Variants in NCOA1 observed in about 807,000 individuals in gnomAD.
NCOA1 encodes nuclear receptor coactivator 1.
NCOA1 carries 35 observed loss-of-function variants against 150.9 expected under a neutral mutation model. The observed-to-expected ratio is 0.23, with a 90% CI of 0.18 to 0.31. The LOEUF is 0.31. NCOA1 is among the 10% of genes least tolerant of loss of function. The pLI, the probability that NCOA1 is intolerant of heterozygous loss-of-function variation, is 1.00. For synonymous variants in NCOA1, 590 were observed against 630.0 expected, an observed-to-expected ratio of 0.94 and a Z score of 0.95; for missense variants, 1,491 against 1,749.3, an observed-to-expected ratio of 0.85 and a Z score of 2.63.
intron 1 of NCOA1, among the ~76,000 whole-genome samples, chr2:24,515,071 C>G (rs1316392241): frequency 2.0e-5 from 3 of 152,162 alleles, no homozygotes; most frequent in African/African-American, 7.2e-5. Flanking sequence ...GTTGTTTAAT[C>G]TAATTTAGCA....
intron 1 of NCOA1, among the ~76,000 whole-genome samples, chr2:24,524,925 GA>G (rs545916543): frequency 1.9e-4 from 29 of 152,166 alleles, no homozygotes; most frequent in African/African-American, 4.6e-4. Context: ...CATATTTTTT[GA>G]ACTGACAGAG....
At chr2:24,646,609 T>G (rs2148468363) in intron 4 of NCOA1, among the ~76,000 whole-genome samples, 1 of 152,102 alleles carries the variant, frequency 6.6e-6, no homozygotes, top group Non-Finnish European at 1.5e-5. Context: ...TTTTGTACAA[T>G]GGTCCTCATT....
rs1441148302 is a variant in NCOA1 at position 24,769,400 on chromosome 2, G to T, written c.*1009G>T. 1 of 187,648 alleles carries T rather than the reference G, an allele frequency of 5.3e-6. No homozygotes were observed. Among genetic ancestry groups the T allele is most frequent in the Non-Finnish European group, 1.1e-5 (1 of 88,904 alleles). 11.6% of individuals were successfully genotyped at this position (187,648 alleles called of 1,614,324 possible). On this transcript the variant is annotated 3_prime_UTR_variant, in exon 23 of 23. Transcript: ENST00000348332. ...ATTGATTGAATTGCAGTTACATTTG[G>T]TTAGTAATATTTCATTATTTTAATA...
At chr2:24,630,522 G>A (rs1449522940) in intron 3 of NCOA1, among the ~76,000 whole-genome samples, 1 of 152,148 alleles carries the variant, frequency 6.6e-6, no homozygotes, top group African/African-American at 2.4e-5. Context: ...CTTTCTCTGA[G>A]GCGGTGGTTC....
chr2:24,602,241 C>T (rs1456395605), intron 3 of NCOA1, among the ~76,000 whole-genome samples: 1 of 152,108 alleles, frequency 6.6e-6, no homozygotes, highest in East Asian at 1.9e-4. Context: ...CAGTTTGTCT[C>T]CCAGGCTGGA....
intron 7 of NCOA1, among the ~76,000 whole-genome samples, chr2:24,676,057 T>C (rs1671895917): frequency 6.6e-6 from 1 of 152,160 alleles, no homozygotes. Flanking sequence ...GTGGCCTCAC[T>C]TTGGAGGTTG....
intron 22 of NCOA1, among the ~76,000 whole-genome samples, chr2:24,763,396 G>A (rs953196969): frequency 6.6e-6 from 1 of 151,280 alleles, no homozygotes; most frequent in East Asian, 2.0e-4. Flanking sequence ...AAAATTAGCC[G>A]GGTGAGGTGG....
chr2:24,517,920 A>G (rs950733357), intron 1 of NCOA1, among the ~76,000 whole-genome samples: 8 of 152,164 alleles, frequency 5.3e-5, no homozygotes, highest in African/African-American at 1.7e-4. Flanking sequence ...TCATGATTTC[A>G]CTATGCTCTT....
Position 24,667,268 on chromosome 2 carries a change from A to G in NCOA1, c.256+1353A>G, listed in dbSNP as rs182543943. 1.5e-3 allele frequency among the ~76,000 whole-genome samples: 226 copies of G among 152,228 alleles called. 1 individual carries two copies. The highest frequency in any genetic ancestry group is 5.0e-3 in the African/African-American group (209 of 41,542). ...CCCTGCTTGGTCTCGAAACACTAAC[A>G]GCCTGGCTCCTACTCCCTAAATTGG... On this transcript the variant is annotated intron_variant, in intron 6 of 22. Transcript: ENST00000348332.
intron 2 of NCOA1, among the ~76,000 whole-genome samples, chr2:24,567,548 T>C (rs1666565962): frequency 6.6e-6 from 1 of 152,224 alleles, no homozygotes; most frequent in Non-Finnish European, 1.5e-5. Context: ...AAGCCATTTA[T>C]GTGCAGTCAT....
intron 13 of NCOA1, 88 bp from the exon 14 acceptor site, chr2:24,710,843 T>TA (rs1379411418): frequency 2.4e-6 from 3 of 1,248,624 alleles, no homozygotes; most frequent in South Asian, 2.6e-5. Context: ...ACTGAATTCA[T>TA]AGAGTTTAAA....
chr2:24,725,960 A>G (rs1674596566), intron 14 of NCOA1, among the ~76,000 whole-genome samples: 1 of 152,184 alleles, frequency 6.6e-6, no homozygotes, highest in Non-Finnish European at 1.5e-5. Context: ...AGAGATGATC[A>G]TAAAGCTTTC....
chr2:24,589,437 A>G (rs555714805), intron 3 of NCOA1, among the ~76,000 whole-genome samples: 2 of 152,206 alleles, frequency 1.3e-5, no homozygotes, highest in African/African-American at 4.8e-5. Flanking sequence ...TTCCCGTACT[A>G]CTTTAGAGCA....
intron 1 of NCOA1, among the ~76,000 whole-genome samples, chr2:24,540,888 A>C (rs542391000): frequency 1.4e-4 from 22 of 152,342 alleles, no homozygotes; most frequent in African/African-American, 5.3e-4. Context: ...ATGAGACAGA[A>C]GGGGGATTCT....
intron 1 of NCOA1, among the ~76,000 whole-genome samples, chr2:24,510,808 A>G (rs777521060): frequency 5.3e-5 from 8 of 152,164 alleles, no homozygotes; most frequent in Non-Finnish European, 8.8e-5. Context: ...AATATCTAGT[A>G]TTTCATTCTG....
chr2:24,708,727 C>G (rs1328566293), intron 13 of NCOA1, among the ~76,000 whole-genome samples: 1 of 152,182 alleles, frequency 6.6e-6, no homozygotes, highest in Non-Finnish European at 1.5e-5. Context: ...ATGAGTCACA[C>G]TTAGTATGCA....
At position 24,742,047 on chromosome 2, in the gene NCOA1, A is replaced by G; in HGVS notation, c.3567A>G (p.Gln1189=). Residue 1189 remains glutamine, a synonymous_variant, in exon 19 of 23, where the codon CAA becomes CAG. Coordinates refer to ENST00000348332, the MANE Select transcript of NCOA1 (RefSeq NM_003743.5). ...TPPASTSPFS[Q]LAANPEASLA... ...CTGCTTCTACCAGCCCGTTTTCACA[A>G]CTAGCAGCAAATCCTGAAGCATCCT... is the stretch of plus-strand genomic sequence containing the variant. 2 of 1,614,208 alleles carry G rather than the reference A, an allele frequency of 1.2e-6. No homozygotes were observed. Among genetic ancestry groups the G allele is most frequent in the Non-Finnish European group, 8.5e-7 (1 of 1,180,018 alleles).
chr2:24,523,286 C>G (rs1664498064), intron 1 of NCOA1, among the ~76,000 whole-genome samples: 1 of 152,118 alleles, frequency 6.6e-6, no homozygotes, highest in Admixed American at 6.6e-5. Flanking sequence ...TCCCTTCTCC[C>G]CATACATCAT....
chr2:24,749,367 G>A (rs1357365512), intron 19 of NCOA1, among the ~76,000 whole-genome samples: 1 of 152,210 alleles, frequency 6.6e-6, no homozygotes, highest in South Asian at 2.1e-4. Context: ...ACAGAGAATT[G>A]TAGGATATGC....
Sources: allele counts gnomAD v4.1 joint callset (sites outside exome capture counted in the v4.1 genomes callset), GRCh38; gene constraint gnomAD v4.1.1; transcripts MANE v1.5; gene names NCBI Gene and HGNC (gene_info 2026-07-23, HGNC 2026-07-21).